The following FMN2 variants were observed in gnomAD, a reference collection of about 807,000 sequenced individuals.
FMN2 encodes formin-2.
FMN2 carries 51 observed loss-of-function variants against 142.3 expected under a neutral mutation model. That is an observed-to-expected ratio of 0.36 (90% CI 0.29 to 0.45). The LOEUF (loss-of-function observed/expected upper bound fraction) is 0.45. Among genes scored for constraint, FMN2 ranks in the 20% least tolerant of loss-of-function variants. The probability of loss-of-function intolerance (pLI) is 1.00; values close to 1 mark genes in which losing one functional copy is unlikely to be tolerated. For missense variants in FMN2, 1,936 were observed against 2,122.8 expected, an observed-to-expected ratio of 0.91 and a Z score of 1.73; for synonymous variants, 882 against 869.8, an observed-to-expected ratio of 1.01 and a Z score of -0.25.
intron 7 of FMN2, chr1:240,285,211 A>G (rs775154826): frequency 6.6e-6 from 3 of 455,368 alleles, no homozygotes; most frequent in East Asian, 1.4e-4. Context: ...AGGTGAAGTC[A>G]TATTCTGGAT....
chr1:240,299,167 C>T (rs1304084517), intron 8 of FMN2, among the ~76,000 whole-genome samples: 6 of 152,154 alleles, frequency 3.9e-5, no homozygotes, highest in South Asian at 4.2e-4. Context: ...AGGCTGGTCT[C>T]GAACTCCTGA....
chr1:240,187,491 G>A (rs962336986), intron 3 of FMN2, among the ~76,000 whole-genome samples: 3 of 151,920 alleles, frequency 2.0e-5, no homozygotes, highest in African/African-American at 7.3e-5. Flanking sequence ...TGGTTTTTCA[G>A]GCTCTGATTC....
At chr1:240,290,780 G>GTTTTTTGTTTTTTT (rs1333094360) in intron 7 of FMN2, among the ~76,000 whole-genome samples, 8 of 100,190 alleles carry the variant, frequency 8.0e-5, no homozygotes, top group South Asian at 3.2e-4. Flanking sequence ...TGTTTGTTTG[G>GTTTTTTGTTTTTTT]TTTTTTTTTT....
chr1:240,414,853 C>T (rs1674525088), intron 15 of FMN2, among the ~76,000 whole-genome samples: 1 of 152,038 alleles, frequency 6.6e-6, no homozygotes, highest in African/African-American at 2.4e-5. Flanking sequence ...GAAGTGGAAC[C>T]CAACTGTAAT....
At chr1:240,121,367 T>C (rs1445395475) in intron 1 of FMN2, among the ~76,000 whole-genome samples, 1 of 147,092 alleles carries the variant, frequency 6.8e-6, no homozygotes, top group African/African-American at 2.5e-5. Context: ...CAGTGTCTTA[T>C]TTTTTTTATT....
chr1:240,280,938 A>G lies in FMN2; in HGVS notation c.4154-13884A>G, dbSNP rs566514807. 8.5e-5 allele frequency among the ~76,000 whole-genome samples: 13 copies of G among 152,282 alleles called. No individual in the cohort carries two copies. In the South Asian group the frequency reaches 2.7e-3, roughly 32 times the overall value. On this transcript the variant is annotated intron_variant, in intron 7 of 17. Transcript: ENST00000319653. Reference sequence around the variant, plus strand: ...ATATCGCTAGATTAAACAGTCTACAATGGTAATCATGTTTGCATTTAAAGA... The same window carrying G: ...ATATCGCTAGATTAAACAGTCTACAGTGGTAATCATGTTTGCATTTAAAGA...
chr1:240,280,042 A>G (rs1158645567), intron 7 of FMN2, among the ~76,000 whole-genome samples: 2 of 152,158 alleles, frequency 1.3e-5, no homozygotes, highest in East Asian at 1.9e-4. Context: ...TTACCCTAAC[A>G]TGTCTAATTT....
At chr1:240,306,019 G>A (rs1462127257) in intron 8 of FMN2, among the ~76,000 whole-genome samples, 2 of 149,084 alleles carry the variant, frequency 1.3e-5, no homozygotes, top group South Asian at 2.1e-4. Context: ...ACGTGATCTC[G>A]GCTCACTGCA....
At chr1:240,325,698 C>T (rs1246710996) in intron 8 of FMN2, among the ~76,000 whole-genome samples, 3 of 152,164 alleles carry the variant, frequency 2.0e-5, no homozygotes, top group Admixed American at 6.5e-5. Flanking sequence ...TTTCAGCTCT[C>T]GTGCAGTAAG....
intron 4 of FMN2, among the ~76,000 whole-genome samples, chr1:240,199,813 T>C (rs1209074767): frequency 1.3e-5 from 2 of 152,216 alleles, no homozygotes; most frequent in Non-Finnish European, 2.9e-5. Context: ...AGATTTAACC[T>C]TCCTCCATTT....
Position 240,425,804 on chromosome 1 carries a change from G to T in FMN2, c.4911-12257G>T, listed in dbSNP as rs114046534. 3.5e-3 allele frequency among the ~76,000 whole-genome samples: 532 copies of T among 152,200 alleles called. 2 individuals carry two copies. The highest frequency in any genetic ancestry group is 0.011 in the African/African-American group (475 of 41,512). On this transcript the variant is annotated intron_variant, in intron 15 of 17. Coordinates refer to ENST00000319653, the MANE Select transcript of FMN2 (RefSeq NM_020066.5). ...GTTCTGTACCTTGACTCTTTGATTT[G>T]TTGACCCATTAGGAATGTTTTTCAA...
chr1:240,091,997 C>T lies in FMN2; in HGVS notation c.-113C>T. The T allele has an allele frequency of 5.8e-6, 8 of 1,379,706 alleles. No homozygotes were observed. The highest frequency in any genetic ancestry group is 7.4e-6 in the Non-Finnish European group (8 of 1,075,306). The allele number at this position is 1,379,706 out of a possible 1,614,324, so 85.5% of individuals were successfully genotyped here. On this transcript the variant is annotated 5_prime_UTR_variant, in exon 1 of 18. Coordinates refer to ENST00000319653, the MANE Select transcript of FMN2 (RefSeq NM_020066.5). ...GTCGGCCTCCCCTCCCAGCGGCTCC[C>T]CCCGCCGCCGCCTGACTCTCCCGGG...
Position 240,092,196 on chromosome 1 carries a change from C to A in FMN2, c.87C>A (p.Pro29=), listed in dbSNP as rs778809949. ...GTGGCGCCGAGGATGCGCTGGGGCC[C>A]AGGGATGTGGAAGCCACAAAGAAGG... ...GGGGAEDALG[P]RDVEATKKGS... is the part of the protein sequence containing the mutation. Residue 29 remains proline, a synonymous_variant, in exon 1 of 18, where the codon CCC becomes CCA. Transcript: ENST00000319653. 149 of 1,580,578 alleles carry A rather than the reference C, an allele frequency of 9.4e-5. No individual in the cohort carries two copies. The highest frequency in any genetic ancestry group is 1.4e-4 in the South Asian group (12 of 86,530).
At position 240,135,575 on chromosome 1, in the gene FMN2, T is replaced by C. The variant is rs74467208; in HGVS notation, c.1782+12230T>C. On this transcript the variant is annotated intron_variant, in intron 2 of 17. Transcript: ENST00000319653. ...ATAGTGAGTTAAATTATGTCCCCTC[T>C]GTTTGTAGTCAGATAGTTCAGTGTG... is the stretch of plus-strand genomic sequence containing the variant. 4.0e-3 allele frequency among the ~76,000 whole-genome samples: 614 copies of C among 152,314 alleles called. 2 individuals carry two copies. Among genetic ancestry groups the C allele is most frequent in the Middle Eastern group, 0.017 (5 of 294 alleles).
rs1465821580 is a variant in FMN2 at position 240,092,271 on chromosome 1, C to G, written c.162C>G (p.Gly54=). Reference sequence around the variant, plus strand: ...GCAAGCACGGCAAGGGGGGAGGGGGCGGCGGCGGCGGCGGGGAGTCGGGCA... The same window carrying G: ...GCAAGCACGGCAAGGGGGGAGGGGGGGGCGGCGGCGGCGGGGAGTCGGGCA... ...ALGKHGKGGG[G]GGGGGESGKK... The change falls in exon 1 of 18, where the codon GGC becomes GGG. Residue 54 remains glycine, a synonymous_variant. Transcript: ENST00000319653. 1 of 115,034 alleles carries G rather than the reference C, an allele frequency of 8.7e-6. No individual in the cohort carries two copies. Among genetic ancestry groups the G allele is most frequent in the Non-Finnish European group, 1.2e-5 (1 of 82,226 alleles). The allele number at this position is 115,034 out of a possible 1,614,324, so 7.1% of individuals were successfully genotyped here. A position where few individuals can be genotyped will look rare whatever the true frequency, so the allele number is the denominator to read the frequency against.
intron 15 of FMN2, among the ~76,000 whole-genome samples, chr1:240,409,298 C>T (rs559008362): frequency 6.4e-4 from 98 of 152,140 alleles, no homozygotes; most frequent in Admixed American, 2.0e-3. Flanking sequence ...TACACCACCA[C>T]GCCCAGTTAA....
intron 7 of FMN2, among the ~76,000 whole-genome samples, chr1:240,271,648 G>T (rs982624980): frequency 6.6e-6 from 1 of 152,022 alleles, no homozygotes; most frequent in African/African-American, 2.4e-5. Context: ...AGAAATTTGA[G>T]AAGAAAGTAG....
At chr1:240,383,044 A>G (rs1235792459) in intron 14 of FMN2, among the ~76,000 whole-genome samples, 2 of 152,188 alleles carry the variant, frequency 1.3e-5, no homozygotes. Flanking sequence ...TGGTGCTAGG[A>G]CAATTGGATA....
intron 15 of FMN2, among the ~76,000 whole-genome samples, chr1:240,427,406 C>T (rs59109636): frequency 4.6e-5 from 7 of 151,762 alleles, no homozygotes; most frequent in African/African-American, 1.7e-4. Flanking sequence ...GGGGTTTCAC[C>T]GTGTTAGCCA....
Sources: gnomAD v4.1 joint callset for allele counts (sites outside exome capture counted in the v4.1 genomes callset) on GRCh38, gnomAD v4.1.1 for gene constraint, MANE v1.5 for transcripts, NCBI Gene and HGNC (gene_info 2026-07-23, HGNC 2026-07-21) for gene names.